Variants in NUDT14 observed in about 807,000 individuals in gnomAD.
The protein encoded by NUDT14 is nudix hydrolase 14.
NUDT14 carries 22 observed loss-of-function variants against 17.5 expected under a neutral mutation model. The observed-to-expected ratio is 1.26, with a 90% CI of 0.90 to 1.80. The LOEUF (loss-of-function observed/expected upper bound fraction) is 1.80. Among genes scored for constraint, NUDT14 ranks in the 40% most tolerant of loss-of-function variants. The pLI, the probability that NUDT14 is intolerant of heterozygous loss-of-function variation, is 0.00. For missense variants in NUDT14, 296 were observed against 295.6 expected (o/e 1.00, Z -0.01); for synonymous variants, 129 against 125.8 (o/e 1.03, Z -0.17).
rs761406586 is a variant in NUDT14, at chr14:105,177,046, G to T, written c.126-19C>A. On this transcript the variant is annotated intron_variant, in intron 2 of 4. Transcript: ENST00000392568. ...GGTCACGCTGTGTACGGGGGGAGGG[G>T]CTCAGCACAGAAGCACTCCACTGGC... is the stretch of plus-strand genomic sequence containing the variant. The T allele has an allele frequency of 2.3e-5, 37 of 1,608,610 alleles. No homozygotes were observed. The Middle Eastern group carries it at 9.9e-4, about 43-fold the overall frequency.
At chr14:105,177,260 CG>C in intron 2 of NUDT14, 5 of 642,954 alleles carry the variant, frequency 7.8e-6, no homozygotes, top group South Asian at 1.7e-5. Flanking sequence ...GGATGGGAGG[CG>C]GGGGGCAGGG....
At position 105,172,944 on chromosome 14, in the gene NUDT14, C is replaced by G; in HGVS notation, c.*77G>C. ...CAGAACCAGCAGGCAGAAGCTGGAG[C>G]TATGCAAGCCTTTATTGGGGTCCGC... is the stretch of plus-strand genomic sequence containing the variant. On this transcript the variant is annotated 3_prime_UTR_variant, in exon 5 of 5. Transcript: ENST00000392568. 1 of 1,365,238 alleles carries G rather than the reference C, an allele frequency of 7.3e-7. No homozygotes were observed. The highest frequency in any genetic ancestry group is 9.6e-7 in the Non-Finnish European group (1 of 1,044,178). 84.6% of individuals were successfully genotyped at this position (1,365,238 alleles called of 1,614,324 possible). A position where few individuals can be genotyped will look rare whatever the true frequency, so the allele number is the denominator to read the frequency against.
chr14:105,178,719 G>A lies in NUDT14; in HGVS notation c.82-984C>T, dbSNP rs1352089156. 7.2e-5 allele frequency among the ~76,000 whole-genome samples: 11 copies of A among 152,358 alleles called. 1 individual carries two copies. The highest frequency in any genetic ancestry group is 7.2e-4 in the Admixed American group (11 of 15,312). On this transcript the variant is annotated intron_variant, in intron 1 of 4. Coordinates refer to ENST00000392568, the MANE Select transcript of NUDT14 (RefSeq NM_177533.5). Reference sequence around the variant, plus strand: ...GCTGTGAAATGGACAAGAGGTCTGAGCAGCAGAGACACAGAAGTGCAGCCA... The same window carrying A: ...GCTGTGAAATGGACAAGAGGTCTGAACAGCAGAGACACAGAAGTGCAGCCA...
chr14:105,173,138 C>G lies in NUDT14; in HGVS notation c.552G>C (p.Leu184=), dbSNP rs746034515. Reference sequence around the variant, plus strand: ...CAAAGGCCTGGGCGCCTTCCAGGGGCAGGTGCACCACCTCAATGAGCTCAC... The same window carrying G: ...CAAAGGCCTGGGCGCCTTCCAGGGGGAGGTGCACCACCTCAATGAGCTCAC... The part of the protein sequence containing the change: ...EEGELIEVVH[L]PLEGAQAFAD... Residue 184 remains leucine, a synonymous_variant, in exon 5 of 5, where the codon CTG becomes CTC. Coordinates refer to ENST00000392568, the MANE Select transcript of NUDT14 (RefSeq NM_177533.5). This position sits in a 1 kb window ranked among gnomAD's most constrained non-coding sequence, Gnocchi z 4.7. 1 of 1,609,386 alleles carries G rather than the reference C, an allele frequency of 6.2e-7. No individual in the cohort carries two copies.
At chr14:105,180,513 G>C (rs1244060376) in intron 1 of NUDT14, among the ~76,000 whole-genome samples, 1 of 152,182 alleles carries the variant, frequency 6.6e-6, no homozygotes, top group African/African-American at 2.4e-5. Context: ...CCATGTGCCT[G>C]GTGCTAAGTG....
rs973670735 is a variant in NUDT14 at position 105,181,281 on chromosome 14, G to A, written c.-72C>T. The A allele has an allele frequency of 6.4e-6, 4 of 628,600 alleles. No individual in the cohort carries two copies. The highest frequency in any genetic ancestry group is 6.2e-6 in the Non-Finnish European group (3 of 483,184). The allele number at this position is 628,600 out of a possible 1,614,324, so 38.9% of individuals were successfully genotyped here. A position where few individuals can be genotyped will look rare whatever the true frequency, so the allele number is the denominator to read the frequency against. On this transcript the variant is annotated 5_prime_UTR_variant, in exon 1 of 5. Coordinates refer to ENST00000392568, the MANE Select transcript of NUDT14 (RefSeq NM_177533.5). This position sits in a 1 kb window ranked among gnomAD's most constrained non-coding sequence, Gnocchi z 5.0. ...ACGGGGCGGCGCCCTGTCCCGACAGGAGCCTTCGGGCGGGCGCGTGACCGC... is the reference window on the plus strand; with the variant it reads ...ACGGGGCGGCGCCCTGTCCCGACAGAAGCCTTCGGGCGGGCGCGTGACCGC...
intron 4 of NUDT14, chr14:105,175,801 C>T (rs880616): frequency 0.62 from 636,491 of 1,026,462 alleles, 198,573 homozygotes; most frequent in African/African-American, 0.77. Context: ...GCCCCAGGCT[C>T]AACCCTGAGT....
chr14:105,173,070 C>T lies in NUDT14; in HGVS notation c.620G>A (p.Gly207Asp), dbSNP rs1487006272. ...CACCTGGCTGAGGAACCATGAGACA[C>T]CAAAGATGACGCCGAGGGTCTTGGG... The part of the protein sequence containing the change: ...DIPKTLGVIF[G>D]VSWFLSQVAP... Residue 207 changes from glycine to aspartate, a missense_variant, in exon 5 of 5, where the codon GGT becomes GAT. Gly to Asp is a moderately conservative substitution (Grantham distance 94). Coordinates refer to ENST00000392568, the MANE Select transcript of NUDT14 (RefSeq NM_177533.5). The surrounding 1 kb of genome is among the most constrained non-coding windows in gnomAD (Gnocchi z 4.7). 1.3e-6 allele frequency: 2 copies of T among 1,542,104 alleles called. No individual in the cohort carries two copies. The highest frequency in any genetic ancestry group is 2.8e-5 in the African/African-American group (2 of 72,612).
chr14:105,179,953 C>G (rs1566778852), intron 1 of NUDT14, among the ~76,000 whole-genome samples: 4 of 152,186 alleles, frequency 2.6e-5, no homozygotes. Flanking sequence ...AGAGGCACTG[C>G]GACCTGGACC....
At chr14:105,177,201 C>T in intron 2 of NUDT14, 174 bp from the exon 3 acceptor site, 2 of 665,724 alleles carry the variant, frequency 3.0e-6, no homozygotes, top group South Asian at 3.3e-5. Context: ...CAGAGCTTTC[C>T]AGGGTCACAG....
chr14:105,176,302 A>G (rs3825763), intron 4 of NUDT14: 374,971 of 588,840 alleles, frequency 0.64, 120,620 homozygotes, highest in African/African-American at 0.77. Flanking sequence ...TGCCTCACAC[A>G]GCTGGGGGCC....
chr14:105,179,950 C>A (rs1434877933), intron 1 of NUDT14, among the ~76,000 whole-genome samples: 1 of 152,216 alleles, frequency 6.6e-6, no homozygotes, highest in Non-Finnish European at 1.5e-5. Flanking sequence ...CAGAGAGGCA[C>A]TGCGACCTGG....
chr14:105,177,348 C>G (rs931295455), intron 2 of NUDT14: 2 of 553,954 alleles, frequency 3.6e-6, no homozygotes, highest in South Asian at 1.9e-5. Context: ...TTGGCCCTCA[C>G]TGAGCAGCTG....
Position 105,176,966 on chromosome 14 carries a change from G to T in NUDT14, c.187C>A (p.Pro63Thr), listed in dbSNP as rs761137195. Residue 63 changes from proline (P) to threonine (T), a missense_variant, in exon 3 of 5, where the codon CCA (proline) becomes ACA (threonine). Physicochemically the swap from Pro to Thr is conservative, Grantham distance 38. Coordinates refer to ENST00000392568, the MANE Select transcript of NUDT14 (RefSeq NM_177533.5). ...TTCCCACCCCAGCTGGCCTCACCTG[G>T]CCGGAACTGCTTCACCAACACCAGG... ...RSLVLVKQFRPAVYAGEVERR... is the reference protein window; with the variant it reads ...RSLVLVKQFRTAVYAGEVERR... The T allele has an allele frequency of 1.9e-6, 3 of 1,611,738 alleles. No homozygotes were observed. The Admixed American group carries it at 5.0e-5, about 27-fold the overall frequency.
chr14:105,177,185 C>A (rs761387745), intron 2 of NUDT14, 158 bp from the exon 3 acceptor site: 1 of 691,570 alleles, frequency 1.4e-6, no homozygotes. Context: ...GAGGCCCAGG[C>A]GGGACCAGAG....
intron 2 of NUDT14, chr14:105,177,343 C>A (rs1566777993): frequency 7.2e-6 from 4 of 558,130 alleles, no homozygotes; most frequent in Non-Finnish European, 6.5e-6. Flanking sequence ...GACGTTTGGC[C>A]CTCACTGAGC....
chr14:105,176,638 C>T lies in NUDT14; in HGVS notation c.324G>A (p.Val108=), dbSNP rs1450365975. 6.2e-7 allele frequency: 1 copy of T among 1,612,782 alleles called. No homozygotes were observed. The highest frequency in any genetic ancestry group is 1.1e-5 in the South Asian group (1 of 91,082). The change falls in exon 4 of 5, where the codon GTG becomes GTA. Residue 108 remains valine (V), a synonymous_variant. Transcript: ENST00000392568. ...CCTCCAGCGAGAGCCCAGGCTGGTC[C>T]ACGAGGCCGGCACACAGCTCAACTG... ...GVTVELCAGL[V]DQPGLSLEEV... is the part of the protein sequence containing the mutation.
Position 105,173,376 on chromosome 14 carries a change from G to A in NUDT14, c.429-115C>T, listed in dbSNP as rs1262048352. ...CTCTGCTCCCTCCAGCCCTCCAGTA[G>A]GCAGGACTCTGGGATGCCCTCTCCC... On this transcript the variant is annotated intron_variant, in intron 4 of 4. Transcript: ENST00000392568. The surrounding 1 kb of genome is among the most constrained non-coding windows in gnomAD (Gnocchi z 4.7). 2 of 1,230,168 alleles carry A rather than the reference G, an allele frequency of 1.6e-6. No individual in the cohort carries two copies. The highest frequency in any genetic ancestry group is 1.6e-5 in the African/African-American group (1 of 64,510). 76.2% of individuals were successfully genotyped at this position (1,230,168 alleles called of 1,614,324 possible).
intron 1 of NUDT14, among the ~76,000 whole-genome samples, chr14:105,179,013 G>A (rs1221768766): frequency 2.6e-5 from 4 of 152,074 alleles, no homozygotes; most frequent in Non-Finnish European, 5.9e-5. Flanking sequence ...CCACCACCCA[G>A]CCAGGGCAGG....
Sources: allele counts gnomAD v4.1 joint callset (sites outside exome capture counted in the v4.1 genomes callset), GRCh38; gene constraint gnomAD v4.1.1; non-coding constraint Gnocchi (gnomAD v3.1); transcripts MANE v1.5; gene names NCBI Gene and HGNC (gene_info 2026-07-23, HGNC 2026-07-21).